Variants in SLC35B3 observed in about 807,000 individuals in gnomAD.
SLC35B3 encodes the protein adenosine 3'-phospho 5'-phosphosulfate transporter 2.
In SLC35B3, 35 loss-of-function variants were observed where a neutral mutation model predicts 44.1. The observed-to-expected ratio is 0.79, with a 90% CI of 0.61 to 1.05. SLC35B3 has a LOEUF of 1.05. Ranked by LOEUF, SLC35B3 falls within the 50% of genes least tolerant of loss-of-function variation. SLC35B3 has a pLI of 0.00. For missense variants in SLC35B3, 414 were observed against 476.4 expected, an observed-to-expected ratio of 0.87 and a Z score of 1.22; for synonymous variants, 146 against 167.3, an observed-to-expected ratio of 0.87 and a Z score of 0.98.
chr6:8,412,822 C>T lies in SLC35B3; in HGVS notation c.*727G>A, dbSNP rs113893948. Among the ~76,000 whole-genome samples the T allele has an allele frequency of 1.8e-3, 268 of 152,268 alleles. No homozygotes were observed. The highest frequency in any genetic ancestry group is 6.0e-3 in the African/African-American group (251 of 41,546). On this transcript the variant is annotated 3_prime_UTR_variant, in exon 11 of 11. Coordinates refer to ENST00000644923, the MANE Select transcript of SLC35B3 (RefSeq NM_001370476.2). ...GGTTCCCGCTGCTATGAGAATCTAA[C>T]GCTGCTGCTGATCTGACAGGAAGTG...
At position 8,420,586 on chromosome 6, in the gene SLC35B3, A is replaced by G. The variant is rs903158576; in HGVS notation, c.682+135T>C. The G allele has an allele frequency of 3.4e-6, 2 of 585,964 alleles. No individual in the cohort carries two copies. Among genetic ancestry groups the G allele is most frequent in the Admixed American group, 6.3e-5 (2 of 31,926 alleles). The allele number at this position is 585,964 out of a possible 1,614,324, so 36.3% of individuals were successfully genotyped here. A position where few individuals can be genotyped will look rare whatever the true frequency, so the allele number is the denominator to read the frequency against. ...GATATTTTCACTACATCTTATATGG[A>G]AAGTCCAAAAGCTTTATGTTAGATA... On this transcript the variant is annotated intron_variant, in intron 6 of 10. Coordinates refer to ENST00000644923, the MANE Select transcript of SLC35B3 (RefSeq NM_001370476.2). The surrounding 1 kb of genome is among the most constrained non-coding windows in gnomAD (Gnocchi z 4.4).
intron 4 of SLC35B3, 23 bp from the exon 4 acceptor site, chr6:8,422,647 C>A (rs1297229901): frequency 6.3e-7 from 1 of 1,590,396 alleles, no homozygotes; most frequent in South Asian, 1.1e-5. Flanking sequence ...ATTTTTAAAA[C>A]CTTCATTTTG....
At position 8,419,392 on chromosome 6, in the gene SLC35B3, A is replaced by G. The variant is rs1262617083; in HGVS notation, c.780+188T>C. Among the ~76,000 whole-genome samples, 8 of 152,132 alleles carry G rather than the reference A, an allele frequency of 5.3e-5. No homozygotes were observed. The East Asian group carries it at 1.5e-3, about 29-fold the overall frequency. ...TCAATGAGGAAAAAATTTGTCAACT[A>G]TGCAACAAGCGGTTAGCACTGCTAG... On this transcript the variant is annotated intron_variant, in intron 7 of 10. Coordinates refer to ENST00000644923, the MANE Select transcript of SLC35B3 (RefSeq NM_001370476.2). This position sits in a 1 kb window ranked among gnomAD's most constrained non-coding sequence, Gnocchi z 4.3.
chr6:8,422,381 G>A (rs1762975947), intron 5 of SLC35B3, 89 bp downstream of exon 4: 7 of 977,882 alleles, frequency 7.2e-6, no homozygotes, highest in African/African-American at 1.7e-5. Context: ...CATTGAAAAT[G>A]TAATAGAAGT....
At position 8,435,517 on chromosome 6, in the gene SLC35B3, C is replaced by T. The variant is rs577164056; in HGVS notation, c.-218G>A. ...CCTCCCCGGAAAGCACTCTCAACTCCGGCGCCCGCAGGCCACTTCCGCCTA... is the reference window on the plus strand; with the variant it reads ...CCTCCCCGGAAAGCACTCTCAACTCTGGCGCCCGCAGGCCACTTCCGCCTA... On this transcript the variant is annotated 5_prime_UTR_variant, in exon 1 of 11. Transcript: ENST00000644923. This position sits in a 1 kb window ranked among gnomAD's most constrained non-coding sequence, Gnocchi z 5.5. The T allele has an allele frequency of 9.9e-6, 6 of 604,614 alleles. No individual in the cohort carries two copies. Among genetic ancestry groups the T allele is most frequent in the East Asian group, 6.8e-5 (1 of 14,698 alleles). 37.5% of individuals were successfully genotyped at this position (604,614 alleles called of 1,614,324 possible). A position where few individuals can be genotyped will look rare whatever the true frequency, so the allele number is the denominator to read the frequency against.
In SLC35B3 at chr6:8,417,449, A is replaced by G. The variant is rs1395747165; in HGVS notation, c.826T>C (p.Leu276=). 46 of 1,607,036 alleles carry G rather than the reference A, an allele frequency of 2.9e-5. No homozygotes were observed. The highest frequency in any genetic ancestry group is 3.7e-5 in the Non-Finnish European group (43 of 1,177,010). ...GGGCCTAATCCACTAGTGCATGTCA[A>G]TCCCAGTAAAATGTATACAAAACCA... Residue 276 remains leucine, a synonymous_variant, in exon 8 of 11, where the codon TTG becomes CTG. Coordinates refer to ENST00000644923, the MANE Select transcript of SLC35B3 (RefSeq NM_001370476.2).
At chr6:8,429,492 AATG>A (rs1162013780) in intron 3 of SLC35B3, among the ~76,000 whole-genome samples, 1 of 152,148 alleles carries the variant, frequency 6.6e-6, no homozygotes, top group Non-Finnish European at 1.5e-5. Flanking sequence ...TTTTTGCAAA[AATG>A]ATCTTTTATT....
Position 8,416,903 on chromosome 6 carries a change from A to G in SLC35B3, c.966T>C (p.Gly322=). 6.3e-7 allele frequency: 1 copy of G among 1,585,998 alleles called. No homozygotes were observed. Among genetic ancestry groups the G allele is most frequent in the Non-Finnish European group, 8.6e-7 (1 of 1,162,682 alleles). ...TCCTACCTGTTACAGCAATAAGTGC[A>G]CCAAAAATTTTAATCAAAGCCAGAA... The change falls in exon 9 of 11, where the codon GGT becomes GGC. Residue 322 remains glycine (G), a synonymous_variant. Transcript: ENST00000644923.
chr6:8,425,662 T>G (rs567337261), intron 4 of SLC35B3, among the ~76,000 whole-genome samples: 1 of 152,086 alleles, frequency 6.6e-6, no homozygotes, highest in African/African-American at 2.4e-5. Context: ...TGATACAAAC[T>G]TCAACACCAT....
chr6:8,414,702 C>A (rs1762258007), intron 10 of SLC35B3, among the ~76,000 whole-genome samples: 1 of 151,398 alleles, frequency 6.6e-6, no homozygotes, highest in Non-Finnish European at 1.5e-5. Context: ...TCCAAAATAG[C>A]AGAAGACACA....
At chr6:8,426,964 T>TA (rs1288364370) in intron 4 of SLC35B3, among the ~76,000 whole-genome samples, 1 of 152,194 alleles carries the variant, frequency 6.6e-6, no homozygotes, top group African/African-American at 2.4e-5. Context: ...TGACTCTTGT[T>TA]ATGTTTTAGC....
In SLC35B3 at chr6:8,429,859, T is replaced by C. The variant is rs897571415; in HGVS notation, c.297+5A>G. On this transcript the variant is annotated splice_donor_5th_base_variant and intron_variant, in intron 3 of 10. Transcript: ENST00000644923. ...TAACATATTACAAACATATAACTTT[T>C]TTACCTGTAAATACCCATAAATTAG... The C allele has an allele frequency of 2.6e-6, 4 of 1,538,726 alleles. No individual in the cohort carries two copies. The Admixed American group carries it at 7.8e-5, about 30-fold the overall frequency.
chr6:8,429,828 A>C, intron 3 of SLC35B3, 36 bp downstream of exon 2: 1 of 1,422,902 alleles, frequency 7.0e-7, no homozygotes, highest in Non-Finnish European at 9.5e-7. Context: ...AATTATTATA[A>C]ATAATTAACA....
At chr6:8,415,512 A>G (rs1436164260) in intron 9 of SLC35B3, among the ~76,000 whole-genome samples, 2 of 152,180 alleles carry the variant, frequency 1.3e-5, no homozygotes, top group African/African-American at 2.4e-5. Context: ...TGTCCCAGGC[A>G]GAGTGGGGAG....
At position 8,412,473 on chromosome 6, in the gene SLC35B3, T is replaced by C. The variant is rs989779682; in HGVS notation, c.*1076A>G. 1.3e-5 allele frequency among the ~76,000 whole-genome samples: 2 copies of C among 152,180 alleles called. No homozygotes were observed. Among genetic ancestry groups the C allele is most frequent in the African/African-American group, 2.4e-5 (1 of 41,444 alleles). ...TTACTTTTTCTTCAATTAAAAAAAA[T>C]CCAATCATGATTCCTTTGGGATTAC... On this transcript the variant is annotated 3_prime_UTR_variant, in exon 11 of 11. Transcript: ENST00000644923.
At chr6:8,425,679 A>G (rs950551555) in intron 4 of SLC35B3, among the ~76,000 whole-genome samples, 2 of 152,138 alleles carry the variant, frequency 1.3e-5, no homozygotes, top group South Asian at 4.1e-4. Context: ...CCATTTTATG[A>G]TTAAAAAAAA....
rs374380164 is a variant in SLC35B3 at position 8,419,609 on chromosome 6, T to C, written c.751A>G (p.Lys251Glu). Residue 251 changes from lysine to glutamate, a missense_variant, in exon 7 of 11, where the codon AAA becomes GAA. Physicochemically the swap from Lys to Glu is moderately conservative, Grantham distance 56 (BLOSUM62 1). Transcript: ENST00000644923. The surrounding 1 kb of genome is among the most constrained non-coding windows in gnomAD (Gnocchi z 4.3). Reference sequence around the variant, plus strand: ...TCAGAATTAGAAGCATTATGAAGTTTCATAGCTTTCTCTTGAACATTTCCA... The same window carrying C: ...TCAGAATTAGAAGCATTATGAAGTTCCATAGCTTTCTCTTGAACATTTCCA... 7.7e-5 allele frequency: 121 copies of C among 1,566,130 alleles called. No individual in the cohort carries two copies. The highest frequency in any genetic ancestry group is 1.0e-4 in the Non-Finnish European group (120 of 1,149,308).
At chr6:8,422,431 ATTAGTT>A in intron 5 of SLC35B3, 33 bp downstream of exon 4, 1 of 1,465,690 alleles carries the variant, frequency 6.8e-7, no homozygotes, top group Non-Finnish European at 9.5e-7. Context: ...AACATAGCCT[ATTAGTT>A]TTAAATAGTA....
In SLC35B3 at chr6:8,419,532, C is replaced by A; in HGVS notation, c.780+48G>T. 1.0e-6 allele frequency: 1 copy of A among 979,708 alleles called. No individual in the cohort carries two copies. The highest frequency in any genetic ancestry group is 1.5e-6 in the Non-Finnish European group (1 of 661,386). The allele number at this position is 979,708 out of a possible 1,614,324, so 60.7% of individuals were successfully genotyped here. On this transcript the variant is annotated intron_variant, in intron 7 of 10. Coordinates refer to ENST00000644923, the MANE Select transcript of SLC35B3 (RefSeq NM_001370476.2). The surrounding 1 kb of genome is among the most constrained non-coding windows in gnomAD (Gnocchi z 4.3). ...TATTTCATCAAATTACGTGTATCAC[C>A]ATTTTTTAAATCTGTCTAATTTGAA...
Sources: gnomAD v4.1 joint callset for allele counts (sites outside exome capture counted in the v4.1 genomes callset) on GRCh38, gnomAD v4.1.1 for gene constraint, Gnocchi (gnomAD v3.1) non-coding constraint, MANE v1.5 for transcripts, NCBI Gene and HGNC (gene_info 2026-07-23, HGNC 2026-07-21) for gene names.